MAP3K20: variants seen among roughly 807,000 people sequenced by gnomAD.
MAP3K20 encodes mitogen-activated protein kinase kinase kinase 20.
A neutral mutation model predicts 85.7 loss-of-function variants in MAP3K20; 40 were observed. That is an observed-to-expected ratio of 0.47 (90% CI 0.36 to 0.61). The LOEUF (loss-of-function observed/expected upper bound fraction) is 0.61. MAP3K20 is among the 20% of genes least tolerant of loss of function. MAP3K20 has a pLI of 0.00. For missense variants in MAP3K20, 817 were observed against 961.7 expected, an observed-to-expected ratio of 0.85 and a Z score of 1.99; for synonymous variants, 325 against 327.7, an observed-to-expected ratio of 0.99 and a Z score of 0.09.
chr2:173,192,568 A>G (rs952267578), intron 7 of MAP3K20, among the ~76,000 whole-genome samples: 6 of 152,214 alleles, frequency 3.9e-5, no homozygotes, highest in Non-Finnish European at 8.8e-5. Flanking sequence ...TTAAGAATGA[A>G]GACTATAAGC....
intron 2 of MAP3K20, among the ~76,000 whole-genome samples, chr2:173,132,600 A>G (rs745731094): frequency 6.6e-6 from 1 of 152,052 alleles, no homozygotes; most frequent in Non-Finnish European, 1.5e-5. Context: ...TCTGCCAAGC[A>G]TTTGTCTTCA....
chr2:173,258,794 G>A lies in MAP3K20; in HGVS notation c.1455G>A (p.Ala485=), dbSNP rs756420888. ...DVTFNTNLPD[A]EILKMTKPPF... is the part of the protein sequence containing the mutation. Reference sequence around the variant, plus strand: ...CATTCAACACTAACCTACCTGATGCGGAGATTTTAAAGATGACAAAGGTAG... The same window carrying A: ...CATTCAACACTAACCTACCTGATGCAGAGATTTTAAAGATGACAAAGGTAG... The change falls in exon 17 of 20, where the codon GCG becomes GCA. Residue 485 remains alanine, a synonymous_variant. Transcript: ENST00000375213. 103 of 1,608,130 alleles carry A rather than the reference G, an allele frequency of 6.4e-5. No individual in the cohort carries two copies. The highest frequency in any genetic ancestry group is 3.3e-4 in the Admixed American group (20 of 59,776).
At chr2:173,254,153 C>T (rs965622612) in intron 16 of MAP3K20, among the ~76,000 whole-genome samples, 18 of 150,794 alleles carry the variant, frequency 1.2e-4, no homozygotes, top group African/African-American at 4.1e-4. Context: ...AAGTGGCTCA[C>T]GCCTGTAATC....
intron 7 of MAP3K20, among the ~76,000 whole-genome samples, chr2:173,191,657 G>C (rs1690654657): frequency 2.0e-5 from 3 of 152,222 alleles, no homozygotes. Flanking sequence ...GTTTCTAAAA[G>C]TCCAAAAGAA....
rs983168450 is a variant in MAP3K20 at position 173,149,437 on chromosome 2, G to C, written c.160-20368G>C. ...TAGTAACATAAGATGTTAACAATGG[G>C]TGAGGGGTATATGGGAACACTCCTA... On this transcript the variant is annotated intron_variant, in intron 2 of 19. Transcript: ENST00000375213. 3.2e-4 allele frequency among the ~76,000 whole-genome samples: 49 copies of C among 151,896 alleles called. 2 individuals carry two copies. Among genetic ancestry groups the C allele is most frequent in the Non-Finnish European group, 1.0e-4 (7 of 67,962 alleles).
At chr2:173,144,691 C>T (rs1417643672) in intron 2 of MAP3K20, among the ~76,000 whole-genome samples, 1 of 151,844 alleles carries the variant, frequency 6.6e-6, no homozygotes, top group African/African-American at 2.4e-5. Context: ...GAGCAAGACC[C>T]TATCTCAAAC....
chr2:173,092,411 A>G (rs538450013), intron 2 of MAP3K20, among the ~76,000 whole-genome samples: 6 of 152,356 alleles, frequency 3.9e-5, no homozygotes, highest in Admixed American at 6.5e-5. Context: ...GACTGAACCT[A>G]GCCCTTTTAG....
intron 2 of MAP3K20, among the ~76,000 whole-genome samples, chr2:173,161,452 G>GC (rs756315879): frequency 6.6e-6 from 1 of 152,180 alleles, no homozygotes; most frequent in Non-Finnish European, 1.5e-5. Context: ...GTTAACATTT[G>GC]CTAACATAGG....
intron 11 of MAP3K20, chr2:173,227,133 G>A: frequency 1.0e-5 from 10 of 985,752 alleles, no homozygotes; most frequent in Non-Finnish European, 1.2e-5. Context: ...TGCAATAAAC[G>A]TTTTGACAGT....
intron 2 of MAP3K20, among the ~76,000 whole-genome samples, chr2:173,110,503 A>C (rs1002741229): frequency 1.2e-4 from 18 of 151,636 alleles, no homozygotes; most frequent in South Asian, 2.1e-4. Flanking sequence ...GTGATTTGTG[A>C]GATTTGGGTG....
chr2:173,211,315 T>G (rs778071701), intron 10 of MAP3K20: 2 of 152,280 alleles, frequency 1.3e-5, no homozygotes, highest in Non-Finnish European at 2.9e-5. Context: ...CCCTCATTAC[T>G]GTGGCCTCAC....
chr2:173,263,896 G>A lies in MAP3K20; in HGVS notation c.1702+1G>A. 1 of 1,604,678 alleles carries A rather than the reference G, an allele frequency of 6.2e-7. No homozygotes were observed. Among genetic ancestry groups the A allele is most frequent in the East Asian group, 2.2e-5 (1 of 44,808 alleles). On this transcript the variant is annotated splice_donor_variant, in intron 19 of 19. Coordinates refer to ENST00000375213, the MANE Select transcript of MAP3K20 (RefSeq NM_016653.3). LOFTEE classifies it high-confidence loss of function. ...AACCCTGGAAGCAGGTCCGACTCAA[G>A]TAAGTTAGTGTTCCCGTATTAGATG...
chr2:173,201,856 G>A (rs1037947450), intron 8 of MAP3K20, among the ~76,000 whole-genome samples: 1 of 152,156 alleles, frequency 6.6e-6, no homozygotes, highest in Non-Finnish European at 1.5e-5. Context: ...ATTTGGCCAT[G>A]TCAGATTATT....
Position 173,238,444 on chromosome 2 carries a change from G to C in MAP3K20, c.1266+9G>C. On this transcript the variant is annotated intron_variant, in intron 15 of 19. Coordinates refer to ENST00000375213, the MANE Select transcript of MAP3K20 (RefSeq NM_016653.3). The stretch of plus-strand genomic sequence containing the variant: ...TCCCACCACTAATTAAGGTAAGTAA[G>C]GTTTTTCTTACCGACACTAATGCTA... The C allele has an allele frequency of 6.2e-7, 1 of 1,607,324 alleles. No homozygotes were observed. The highest frequency in any genetic ancestry group is 8.5e-7 in the Non-Finnish European group (1 of 1,175,506).
intron 2 of MAP3K20, among the ~76,000 whole-genome samples, 190 bp downstream of exon 2, chr2:173,091,380 T>C (rs1029906647): frequency 6.6e-6 from 1 of 151,774 alleles, no homozygotes; most frequent in Non-Finnish European, 1.5e-5. Flanking sequence ...GCTTTAGGGT[T>C]GAGTTCTACT....
chr2:173,088,622 A>G (rs1218115997), intron 1 of MAP3K20, among the ~76,000 whole-genome samples: 1 of 152,200 alleles, frequency 6.6e-6, no homozygotes, highest in Non-Finnish European at 1.5e-5. Flanking sequence ...TAAGCTTTGT[A>G]GTTCAATTTC....
chr2:173,080,620 A>G (rs1346698089), intron 1 of MAP3K20, among the ~76,000 whole-genome samples: 1 of 152,252 alleles, frequency 6.6e-6, no homozygotes, highest in East Asian at 1.9e-4. Flanking sequence ...TCTGCTTCCC[A>G]GTACTGTTAC....
At chr2:173,224,699 C>A in intron 11 of MAP3K20, 6 of 985,438 alleles carry the variant, frequency 6.1e-6, no homozygotes, top group Non-Finnish European at 7.2e-6. Context: ...CTATTACTTT[C>A]TGTTCCCAAT....
At chr2:173,183,476 C>A (rs914206151) in intron 4 of MAP3K20, among the ~76,000 whole-genome samples, 2 of 152,172 alleles carry the variant, frequency 1.3e-5, no homozygotes, top group African/African-American at 2.4e-5. Context: ...TTAGGCATCG[C>A]TGTTGGAATT....
Sources: allele counts gnomAD v4.1 joint callset (sites outside exome capture counted in the v4.1 genomes callset), GRCh38; gene constraint gnomAD v4.1.1; transcripts MANE v1.5; gene names NCBI Gene and HGNC (gene_info 2026-07-23, HGNC 2026-07-21).